CEP126: variants seen among roughly 807,000 people sequenced by gnomAD.
CEP126 encodes the protein centrosomal protein 126, also known as centrosomal protein of 126 kDa.
In CEP126, 74 loss-of-function variants were observed where a neutral mutation model predicts 107.8. The ratio of observed to expected loss-of-function variants is 0.69; its 90% CI spans 0.57 to 0.83. CEP126 has a LOEUF of 0.83. Among genes scored for constraint, CEP126 ranks in the 40% least tolerant of loss-of-function variants. The pLI is 0.00. For missense variants in CEP126, 1,237 were observed against 1,281.9 expected (o/e 0.96, Z 0.53); for synonymous variants, 449 against 446.0 (o/e 1.01, Z -0.08).
At chr11:101,926,717 G>A (rs894299111) in intron 2 of CEP126, among the ~76,000 whole-genome samples, 2 of 152,114 alleles carry the variant, frequency 1.3e-5, no homozygotes, top group African/African-American at 4.8e-5. Flanking sequence ...TGCCAGAAAT[G>A]GAATTCTTGT....
At position 101,961,977 on chromosome 11, in the gene CEP126, A is replaced by T. The variant is rs3740930; in HGVS notation, c.942A>T (p.Thr314=). The stretch of plus-strand genomic sequence containing the variant: ...CTCAACATATAAATAATTGGCTTAC[A>T]AATTTAGATGCTTCAAATACTCAGA... ...SKTQHINNWL[T]NLDASNTQNV... is the part of the protein sequence containing the mutation. Residue 314 remains threonine (T), a synonymous_variant, in exon 6 of 11, where the codon ACA becomes ACT. Transcript: ENST00000263468. 0.042 allele frequency: 68,334 copies of T among 1,611,032 alleles called. 4,323 individuals are homozygous for T. Among genetic ancestry groups the T allele is most frequent in the Admixed American group, 0.24 (14,519 of 59,486 alleles).
At chr11:101,934,232 C>T (rs1940544579) in intron 2 of CEP126, among the ~76,000 whole-genome samples, 1 of 151,978 alleles carries the variant, frequency 6.6e-6, no homozygotes, top group African/African-American at 2.4e-5. Context: ...CTCTTTTTGT[C>T]TCCCTACTAT....
intron 10 of CEP126, among the ~76,000 whole-genome samples, chr11:101,996,581 A>G (rs562518759): frequency 2.0e-4 from 31 of 152,348 alleles, no homozygotes; most frequent in South Asian, 8.3e-4. Flanking sequence ...CATAAAAATA[A>G]GCGGTCTCTT....
Position 101,972,383 on chromosome 11 carries a change from G to A in CEP126, c.2846-5964G>A, listed in dbSNP as rs1288986870. The stretch of plus-strand genomic sequence containing the variant: ...GGAGCTTGTAGTGAGCCGAGATCGC[G>A]CCACTGCACTGCAGCCTGGGGGACA... On this transcript the variant is annotated intron_variant, in intron 6 of 10. Coordinates refer to ENST00000263468, the MANE Select transcript of CEP126 (RefSeq NM_020802.4). Among the ~76,000 whole-genome samples, 4 of 152,106 alleles carry A rather than the reference G, an allele frequency of 2.6e-5. No homozygotes were observed. In the East Asian group the frequency reaches 5.8e-4, roughly 22 times the overall value.
chr11:101,969,113 T>TGTGCTCAAGCAATCCTCCC (rs1941094906), intron 6 of CEP126, among the ~76,000 whole-genome samples: 1 of 152,130 alleles, frequency 6.6e-6, no homozygotes, highest in African/African-American at 2.4e-5. Flanking sequence ...ATCATCCTCC[T>TGTGCTCAAGCAATCCTCCC]GTGCTCAAGC....
At chr11:101,987,838 A>G (rs1391301731) in intron 9 of CEP126, among the ~76,000 whole-genome samples, 1 of 152,218 alleles carries the variant, frequency 6.6e-6, no homozygotes, top group Non-Finnish European at 1.5e-5. Flanking sequence ...AACTTAATTT[A>G]GAATGATCCC....
intron 9 of CEP126, 137 bp from the exon 10 acceptor site, chr11:101,992,641 G>C: frequency 2.0e-6 from 1 of 508,772 alleles, no homozygotes; most frequent in Non-Finnish European, 3.5e-6. Flanking sequence ...ACTATTTCTG[G>C]GGGTGACTGG....
At position 101,986,944 on chromosome 11, in the gene CEP126, A is replaced by G. The variant is rs1340850053; in HGVS notation, c.3147A>G (p.Leu1049=). 3 of 1,613,696 alleles carry G rather than the reference A, an allele frequency of 1.9e-6. No individual in the cohort carries two copies. The highest frequency in any genetic ancestry group is 2.5e-6 in the Non-Finnish European group (3 of 1,179,800). ...LNSKQIQKSN[L]PLNKTQQFNI... ...GCAAACAGATACAGAAATCAAATCTACCTTTAAATAAAACTCAACAATTCA... is the reference window on the plus strand; with the variant it reads ...GCAAACAGATACAGAAATCAAATCTGCCTTTAAATAAAACTCAACAATTCA... The change falls in exon 9 of 11, where the codon CTA becomes CTG. Residue 1049 remains leucine (L), a synonymous_variant. Coordinates refer to ENST00000263468, the MANE Select transcript of CEP126 (RefSeq NM_020802.4).
chr11:101,923,412 G>A (rs1366952377), intron 2 of CEP126, among the ~76,000 whole-genome samples: 3 of 152,028 alleles, frequency 2.0e-5, no homozygotes, highest in Admixed American at 6.5e-5. Flanking sequence ...GGCTTTTTTT[G>A]AGACAGAGCA....
At position 101,962,580 on chromosome 11, in the gene CEP126, G is replaced by C; in HGVS notation, c.1545G>C (p.Leu515Phe). ...IKYFNCNKEE[L>F]PLFSDSFQDA... is the part of the protein sequence containing the mutation. ...ATTTTAATTGCAATAAGGAAGAGTT[G>C]CCTTTATTTTCAGACAGTTTTCAAG... is the stretch of plus-strand genomic sequence containing the variant. The change falls in exon 6 of 11, where the codon TTG (leucine) becomes TTC (phenylalanine). Residue 515 changes from leucine (L) to phenylalanine (F), a missense_variant. Physicochemically the swap from Leu to Phe is conservative, Grantham distance 22 (BLOSUM62 0). Transcript: ENST00000263468. 1 of 1,613,528 alleles carries C rather than the reference G, an allele frequency of 6.2e-7. No individual in the cohort carries two copies. Among genetic ancestry groups the C allele is most frequent in the South Asian group, 1.1e-5 (1 of 91,010 alleles).
chr11:101,959,990 C>T (rs1164912857), intron 5 of CEP126, among the ~76,000 whole-genome samples: 3 of 152,024 alleles, frequency 2.0e-5, no homozygotes, highest in Non-Finnish European at 4.4e-5. Context: ...AAGAAACCAT[C>T]GCTGGAAATG....
intron 10 of CEP126, among the ~76,000 whole-genome samples, chr11:101,997,305 G>C (rs1941454168): frequency 6.6e-6 from 1 of 152,170 alleles, no homozygotes; most frequent in South Asian, 2.1e-4. Context: ...CAAAGTGCTG[G>C]GATTACAGGC....
intron 1 of CEP126, among the ~76,000 whole-genome samples, chr11:101,919,771 G>C (rs973083682): frequency 6.6e-6 from 1 of 152,118 alleles, no homozygotes; most frequent in Non-Finnish European, 1.5e-5. Context: ...TTATGCTGTC[G>C]TGATGAGACT....
intron 7 of CEP126, 39 bp downstream of exon 7, chr11:101,978,498 A>T (rs1941219188): frequency 1.5e-6 from 2 of 1,352,138 alleles, no homozygotes; most frequent in Admixed American, 1.8e-5. Flanking sequence ...TTCAATATTT[A>T]AAAATTGCTT....
intron 2 of CEP126, among the ~76,000 whole-genome samples, chr11:101,932,734 T>TA (rs1156503851): frequency 6.6e-6 from 1 of 152,176 alleles, no homozygotes; most frequent in East Asian, 1.9e-4. Flanking sequence ...ATTCCCTGTT[T>TA]ACCTTATTTA....
intron 2 of CEP126, among the ~76,000 whole-genome samples, chr11:101,942,423 C>G (rs1940678124): frequency 6.6e-6 from 1 of 151,934 alleles, no homozygotes; most frequent in African/African-American, 2.4e-5. Flanking sequence ...AAATCATTGG[C>G]CATATAGAAG....
intron 2 of CEP126, among the ~76,000 whole-genome samples, chr11:101,936,154 C>T (rs1940575426): frequency 6.6e-6 from 1 of 151,998 alleles, no homozygotes; most frequent in Non-Finnish European, 1.5e-5. Flanking sequence ...TCTTGCAGTC[C>T]ATGAAATCCA....
intron 8 of CEP126, among the ~76,000 whole-genome samples, chr11:101,984,841 T>TA (rs996776516): frequency 1.3e-5 from 2 of 152,130 alleles, no homozygotes; most frequent in African/African-American, 4.8e-5. Context: ...TCTTCTCACC[T>TA]AAAAAAATAA....
At chr11:101,959,509 A>G (rs529876560) in intron 5 of CEP126, among the ~76,000 whole-genome samples, 12 of 152,160 alleles carry the variant, frequency 7.9e-5, no homozygotes, top group Non-Finnish European at 1.8e-4. Context: ...AATGCTCACA[A>G]TGTCAGCATT....
Sources: gnomAD v4.1 joint callset for allele counts (sites outside exome capture counted in the v4.1 genomes callset) on GRCh38, gnomAD v4.1.1 for gene constraint, MANE v1.5 for transcripts, NCBI Gene and HGNC (gene_info 2026-07-23, HGNC 2026-07-21) for gene names.